PAK3: variants seen among roughly 807,000 people sequenced by gnomAD.
PAK3 encodes p21 (RAC1) activated kinase 3.
Under a neutral mutation model 41.0 loss-of-function variants are expected in PAK3, and 4 were observed. The ratio of observed to expected loss-of-function variants is 0.10; its 90% CI spans 0.05 to 0.22. The LOEUF (loss-of-function observed/expected upper bound fraction) is 0.22, where lower values mean the gene tolerates loss of function less well. Ranked by LOEUF, PAK3 falls within the 10% of genes least tolerant of loss-of-function variation. PAK3 has a pLI of 1.00. For synonymous variants in PAK3, 146 were observed against 139.6 expected (o/e 1.05, Z -0.32); for missense variants, 205 against 409.9 (o/e 0.50, Z 4.32).
intron 1 of PAK3, among the ~76,000 whole-genome samples, chrX:110,954,830 G>T (rs1410853041): frequency 9.0e-6 from 1 of 111,521 alleles, no homozygotes; most frequent in African/African-American, 3.3e-5. Flanking sequence ...TCATGGGAAT[G>T]TGGAACATAC....
chrX:110,948,792 A>G (rs917698533), intron 1 of PAK3, among the ~76,000 whole-genome samples: 1 of 111,818 alleles, frequency 8.9e-6, no homozygotes, highest in African/African-American at 3.3e-5. Flanking sequence ...AGCAAGCTTC[A>G]GTTGTAATAG....
chrX:111,151,730 T>C (rs748784325), intron 7 of PAK3, among the ~76,000 whole-genome samples: 1 of 112,032 alleles, frequency 8.9e-6, no homozygotes, highest in Non-Finnish European at 1.9e-5. Flanking sequence ...CAATAACCAA[T>C]AATAAAGTAG....
intron 1 of PAK3, among the ~76,000 whole-genome samples, chrX:110,979,465 T>G (rs1236098622): frequency 9.2e-6 from 1 of 109,147 alleles, no homozygotes; most frequent in African/African-American, 3.3e-5. Context: ...GCCTGGCTAA[T>G]TTTTTGTATT....
At chrX:110,995,200 T>C (rs1196981011) in intron 1 of PAK3, among the ~76,000 whole-genome samples, 1 of 111,386 alleles carries the variant, frequency 9.0e-6, no homozygotes, top group Non-Finnish European at 1.9e-5. Context: ...AGTAGGGCTC[T>C]TTAAAATTTA....
intron 1 of PAK3, among the ~76,000 whole-genome samples, chrX:110,986,158 A>G (rs1199418090): frequency 1.8e-5 from 2 of 112,396 alleles, no homozygotes; most frequent in African/African-American, 6.5e-5. Context: ...ATCCTAAGCC[A>G]GCCTCACCAA....
At position 111,224,685 on chromosome X, in the gene PAK3, T is replaced by C. The variant is rs1027759090; in HGVS notation, c.*4238T>C. On this transcript the variant is annotated 3_prime_UTR_variant, in exon 18 of 18. Coordinates refer to ENST00000372007, the MANE Select transcript of PAK3 (RefSeq NM_002578.5). Reference sequence around the variant, plus strand: ...ATTTATAGGTTGTTTGCAGTAGTTGTGATTTTTAAAGAGCAAGGGAGACCA... The same window carrying C: ...ATTTATAGGTTGTTTGCAGTAGTTGCGATTTTTAAAGAGCAAGGGAGACCA... The C allele has an allele frequency of 1.8e-5, 2 of 112,371 alleles. No individual in the cohort carries two copies. Among genetic ancestry groups the C allele is most frequent in the Middle Eastern group, 4.6e-3 (1 of 216 alleles). 9.3% of individuals were successfully genotyped at this position (112,371 alleles called of 1,213,427 possible).
intron 1 of PAK3, among the ~76,000 whole-genome samples, chrX:111,006,177 C>A (rs189941583): frequency 4.5e-5 from 5 of 112,144 alleles, no homozygotes; most frequent in Admixed American, 2.8e-4. Context: ...TTTTTAAAAG[C>A]TCCCCAGATG....
At position 111,142,503 on chromosome X, in the gene PAK3, A is replaced by G. The variant is rs185628254; in HGVS notation, c.276+307A>G. Reference sequence around the variant, plus strand: ...CAGATACTGCCTGAGCTTTTTCTTTATCAAGTGAATGGAATCAGAGAATCA... The same window carrying G: ...CAGATACTGCCTGAGCTTTTTCTTTGTCAAGTGAATGGAATCAGAGAATCA... On this transcript the variant is annotated intron_variant, in intron 6 of 17. Transcript: ENST00000372007. 3.7e-4 allele frequency among the ~76,000 whole-genome samples: 41 copies of G among 112,109 alleles called. No homozygotes were observed. In the East Asian group the frequency reaches 0.011, roughly 31 times the overall value.
At chrX:111,205,292 T>C (rs1262904660) in intron 16 of PAK3, among the ~76,000 whole-genome samples, 1 of 110,795 alleles carries the variant, frequency 9.0e-6, no homozygotes, top group Non-Finnish European at 1.9e-5. Flanking sequence ...TTTTAATTCC[T>C]TTTCTGTCTT....
chrX:111,174,070 A>G (rs1285725281), intron 11 of PAK3, among the ~76,000 whole-genome samples: 1 of 111,420 alleles, frequency 9.0e-6, no homozygotes, highest in Non-Finnish European at 1.9e-5. Flanking sequence ...GTGCTAGCCG[A>G]TCAGCCATTA....
intron 1 of PAK3, among the ~76,000 whole-genome samples, chrX:111,044,335 G>C (rs1259373901): frequency 3.6e-5 from 4 of 112,044 alleles, no homozygotes; most frequent in Non-Finnish European, 7.5e-5. Flanking sequence ...GATGGCCTTT[G>C]GTTGCTCCTA....
chrX:110,999,388 G>A (rs777004907), intron 1 of PAK3, among the ~76,000 whole-genome samples: 2 of 111,991 alleles, frequency 1.8e-5, no homozygotes, highest in African/African-American at 6.5e-5. Context: ...TGGGGCTCTT[G>A]CATGGTGCCT....
chrX:111,138,125 C>G (rs934208484), intron 5 of PAK3, among the ~76,000 whole-genome samples: 1 of 107,804 alleles, frequency 9.3e-6, no homozygotes, highest in Non-Finnish European at 1.9e-5. Flanking sequence ...AAAGTGGGGA[C>G]GTAGATTCAA....
intron 1 of PAK3, among the ~76,000 whole-genome samples, chrX:110,959,775 A>G (rs2090940701): frequency 9.0e-6 from 1 of 111,654 alleles, no homozygotes; most frequent in South Asian, 3.8e-4. Context: ...GGTGATAGCC[A>G]CACTCTCCTA....
intron 1 of PAK3, among the ~76,000 whole-genome samples, chrX:111,088,995 C>T (rs1415199627): frequency 4.5e-5 from 5 of 111,305 alleles, no homozygotes; most frequent in African/African-American, 1.6e-4. Flanking sequence ...AAGGGATGAG[C>T]CCGAGAAAAA....
intron 4 of PAK3, among the ~76,000 whole-genome samples, chrX:111,109,351 G>T (rs759330778): frequency 4.5e-5 from 5 of 111,954 alleles, no homozygotes; most frequent in African/African-American, 1.6e-4. Context: ...AAACAGTATG[G>T]TTCTTTGCAG....
rs773459472 is a variant in PAK3 at position 110,981,517 on chromosome X, TACTC to T, written c.-28+36890_-28+36893del. 2.9e-5 allele frequency among the ~76,000 whole-genome samples: 3 copies of T among 103,492 alleles called. No homozygotes were observed. The East Asian group carries it at 9.1e-4, about 31-fold the overall frequency. 89.9% of individuals were successfully genotyped at this position (103,492 alleles called of 115,157 possible). ...AGATAAAGGGGCATGATCTCCATCT[TACTC>T]TCAAATGATTGAGAAAAAATAGTGT... On this transcript the variant is annotated intron_variant, in intron 1 of 14. Coordinates refer to the PAK3 transcript ENST00000425146.
chrX:111,003,915 C>A (rs191102574), intron 1 of PAK3, among the ~76,000 whole-genome samples: 3 of 112,527 alleles, frequency 2.7e-5, no homozygotes, highest in Non-Finnish European at 3.7e-5. Flanking sequence ...AACTTACTGG[C>A]CACTTGACTT....
intron 1 of PAK3, among the ~76,000 whole-genome samples, chrX:111,019,188 A>G (rs1474891465): frequency 6.3e-5 from 7 of 111,829 alleles, no homozygotes; most frequent in East Asian, 2.8e-4. Flanking sequence ...GGATTTGGCA[A>G]TGATTTATTG....
Sources: allele counts gnomAD v4.1 joint callset (sites outside exome capture counted in the v4.1 genomes callset), GRCh38; gene constraint gnomAD v4.1.1; transcripts MANE v1.5; gene names NCBI Gene and HGNC (gene_info 2026-07-23, HGNC 2026-07-21).